Variants in LAMA2 observed in about 807,000 individuals in gnomAD.
LAMA2 encodes the protein laminin subunit alpha 2, also known as laminin subunit alpha-2.
Under a neutral mutation model 364.8 loss-of-function variants are expected in LAMA2, and 269 were observed. That is an observed-to-expected ratio of 0.74 (90% CI 0.67 to 0.82). LAMA2 has a LOEUF of 0.82. Ranked by LOEUF, LAMA2 falls within the 40% of genes least tolerant of loss-of-function variation. The pLI is 0.00. For missense variants in LAMA2, 3,807 were observed against 3,873.2 expected (o/e 0.98, Z 0.45); for synonymous variants, 1,379 against 1,370.6 (o/e 1.01, Z -0.14).
At chr6:129,108,573 C>T (rs2114895026) in intron 4 of LAMA2, among the ~76,000 whole-genome samples, 1 of 151,934 alleles carries the variant, frequency 6.6e-6, no homozygotes, top group Middle Eastern at 3.4e-3. Context: ...CCCACCCATT[C>T]AACCCATCTG....
At chr6:129,168,297 G>T (rs1435782919) in intron 9 of LAMA2, among the ~76,000 whole-genome samples, 1 of 149,784 alleles carries the variant, frequency 6.7e-6, no homozygotes. Context: ...TATGGTTTTA[G>T]GTCTAACGTT....
In LAMA2 at chr6:129,383,238, TAGAA is replaced by T. The variant is rs1438076115; in HGVS notation, c.5071+10_5071+13del. The stretch of plus-strand genomic sequence containing the variant: ...AGCTTGCCCGGGATGCAGAAGGTAT[TAGAA>T]AGAATCACATTTTAATCATCATTTC... On this transcript the variant is annotated splice_donor_region_variant and intron_variant, in intron 35 of 64. Transcript: ENST00000421865. 1 of 1,596,084 alleles carries T rather than the reference TAGAA, an allele frequency of 6.3e-7. No homozygotes were observed. The highest frequency in any genetic ancestry group is 8.6e-7 in the Non-Finnish European group (1 of 1,164,892).
chr6:129,393,233 A>G lies in LAMA2; in HGVS notation c.5423A>G (p.Gln1808Arg). Reference sequence around the variant, plus strand: ...GCTAATCGCCTATTTGCAGTAAATCAGAAAAACATGACTGCATTGGAGGTG... The same window carrying G: ...GCTAATCGCCTATTTGCAGTAAATCGGAAAAACATGACTGCATTGGAGGTG... The part of the protein sequence containing the change: ...REANRLFAVN[Q>R]KNMTALEKKK... The change falls in exon 37 of 65, where the codon CAG becomes CGG. Residue 1808 changes from glutamine (Q) to arginine (R), a missense_variant. Around this residue, in one of 3 missense-constraint regions of LAMA2, gnomAD observed 3,333 missense variants for 3,345.7 expected, o/e 1.00. Transcript: ENST00000421865. 1.2e-6 allele frequency: 2 copies of G among 1,613,824 alleles called. No individual in the cohort carries two copies. Among genetic ancestry groups the G allele is most frequent in the Non-Finnish European group, 1.7e-6 (2 of 1,179,732 alleles).
intron 1 of LAMA2, among the ~76,000 whole-genome samples, chr6:129,043,795 A>G (rs1163712707): frequency 6.6e-6 from 1 of 152,096 alleles, no homozygotes; most frequent in Non-Finnish European, 1.5e-5. Context: ...TTGTCGCATC[A>G]GTTGGTTAAC....
chr6:129,159,792 CAG>C (rs1365995976), intron 8 of LAMA2, among the ~76,000 whole-genome samples: 3 of 152,118 alleles, frequency 2.0e-5, no homozygotes, highest in African/African-American at 7.2e-5. Context: ...TCCTAAGTTG[CAG>C]AGAGTTTTTA....
At chr6:129,146,493 A>C (rs1778459848) in intron 5 of LAMA2, among the ~76,000 whole-genome samples, 1 of 152,066 alleles carries the variant, frequency 6.6e-6, no homozygotes, top group Admixed American at 6.6e-5. Context: ...ATATATTGTT[A>C]TGAGCACAAT....
chr6:129,258,993 C>G (rs1349904710), intron 14 of LAMA2, among the ~76,000 whole-genome samples: 2 of 151,968 alleles, frequency 1.3e-5, no homozygotes, highest in Non-Finnish European at 2.9e-5. Flanking sequence ...AGATAATTGC[C>G]TTGTGTTTAG....
intron 40 of LAMA2, among the ~76,000 whole-genome samples, chr6:129,411,328 A>G (rs1178161760): frequency 6.6e-6 from 1 of 152,222 alleles, no homozygotes; most frequent in Non-Finnish European, 1.5e-5. Context: ...GAAAAATAAT[A>G]TAAAATACAG....
At chr6:128,942,752 G>A (rs984350329) in intron 1 of LAMA2, among the ~76,000 whole-genome samples, 2 of 152,188 alleles carry the variant, frequency 1.3e-5, no homozygotes, top group Non-Finnish European at 2.9e-5. Context: ...TTTAATCTGT[G>A]GATTGTAGAG....
intron 23 of LAMA2, among the ~76,000 whole-genome samples, chr6:129,314,411 A>AAAAG (rs1774438386): frequency 6.6e-6 from 1 of 151,514 alleles, no homozygotes; most frequent in Non-Finnish European, 1.5e-5. Flanking sequence ...AAAAAAAAAA[A>AAAAG]AAAAAAAAGT....
At chr6:129,363,905 T>G (rs961675443) in intron 32 of LAMA2, among the ~76,000 whole-genome samples, 1 of 152,228 alleles carries the variant, frequency 6.6e-6, no homozygotes, top group African/African-American at 2.4e-5. Context: ...AAGTTTGCAT[T>G]GAACGGGGCT....
In LAMA2 at chr6:129,297,759, C is replaced by T. The variant is rs750707755; in HGVS notation, c.2931C>T (p.Phe977=). The T allele has an allele frequency of 1.1e-5, 18 of 1,613,924 alleles. No individual in the cohort carries two copies. Among genetic ancestry groups the T allele is most frequent in the Admixed American group, 6.7e-5 (4 of 59,982 alleles). Residue 977 remains phenylalanine (F), a synonymous_variant, in exon 21 of 65, where the codon TTC becomes TTT. Transcript: ENST00000421865. The stretch of plus-strand genomic sequence containing the variant: ...GCAATTCTTTTGGGTCTAAGTCATT[C>T]GACTGTGAAGAGAGTGGACAATGTT... ...CNCNSFGSKS[F]DCEESGQCWC...
In LAMA2 at chr6:129,260,726, C is replaced by T. The variant is rs1406058979; in HGVS notation, c.2112C>T (p.Asn704=). The T allele has an allele frequency of 6.2e-7, 1 of 1,610,820 alleles. No homozygotes were observed. Among genetic ancestry groups the T allele is most frequent in the Non-Finnish European group, 8.5e-7 (1 of 1,177,196 alleles). ...TCTGCCATAGGTTGAGCTCTGTTAA[C>T]CTTGAATCCGCTGTCTCCTATCCTA... ...MDAIFRLSSV[N]LESAVSYPTD... The change falls in exon 15 of 65, where the codon AAC becomes AAT. Residue 704 remains asparagine (N), a synonymous_variant. Transcript: ENST00000421865.
intron 12 of LAMA2, among the ~76,000 whole-genome samples, chr6:129,203,933 G>A (rs77010780): frequency 0.066 from 10,058 of 152,220 alleles, 466 homozygotes; most frequent in African/African-American, 0.13. Context: ...GAAGCTGTCC[G>A]ATAAATGCCA....
At chr6:129,183,021 T>A (rs1342958935) in intron 10 of LAMA2, among the ~76,000 whole-genome samples, 1 of 151,888 alleles carries the variant, frequency 6.6e-6, no homozygotes, top group Non-Finnish European at 1.5e-5. Flanking sequence ...ACACATAAGA[T>A]TTTCTCTTCA....
At chr6:129,492,509 C>T (rs551432240) in intron 58 of LAMA2, 26 bp downstream of exon 58, 1 of 1,604,964 alleles carries the variant, frequency 6.2e-7, no homozygotes, top group South Asian at 1.1e-5. Context: ...ATCCCCATTG[C>T]TTTCTAATTT....
chr6:129,248,339 G>C (rs1385540541), intron 12 of LAMA2, among the ~76,000 whole-genome samples: 1 of 152,162 alleles, frequency 6.6e-6, no homozygotes, highest in South Asian at 2.1e-4. Flanking sequence ...AAATAGGTAT[G>C]AAAAACACAT....
chr6:129,476,341 G>T (rs184069019), intron 53 of LAMA2, among the ~76,000 whole-genome samples: 1 of 152,348 alleles, frequency 6.6e-6, no homozygotes, highest in African/African-American at 2.4e-5. Flanking sequence ...TCATGATACA[G>T]TTGTAAGACC....
intron 51 of LAMA2, 36 bp downstream of exon 51, chr6:129,465,325 A>G: frequency 6.5e-7 from 1 of 1,536,206 alleles, no homozygotes; most frequent in Non-Finnish European, 9.0e-7. Flanking sequence ...TATAGGCCTT[A>G]ATCATGAAAT....
Sources: gnomAD v4.1 joint callset for allele counts (sites outside exome capture counted in the v4.1 genomes callset) on GRCh38, gnomAD v4.1.1 for gene constraint, gnomAD v4.1.1 regional missense constraint, MANE v1.5 for transcripts, NCBI Gene and HGNC (gene_info 2026-07-23, HGNC 2026-07-21) for gene names.